Variants in RTN1 observed in about 807,000 individuals in gnomAD.
The protein encoded by RTN1 is reticulon-1.
A neutral mutation model predicts 65.5 loss-of-function variants in RTN1; 25 were observed. That is an observed-to-expected ratio of 0.38 (90% CI 0.28 to 0.53). RTN1 has a LOEUF of 0.53. Among genes scored for constraint, RTN1 ranks in the 20% least tolerant of loss-of-function variants. The pLI is 0.79. For missense variants in RTN1, 983 were observed against 1,025.4 expected, an observed-to-expected ratio of 0.96 and a Z score of 0.57; for synonymous variants, 471 against 447.6, an observed-to-expected ratio of 1.05 and a Z score of -0.66.
intron 5 of RTN1, 160 bp downstream of exon 5, chr14:59,605,208 G>A (rs1435366697): frequency 2.8e-5 from 19 of 678,936 alleles, no homozygotes; most frequent in African/African-American, 7.3e-5. Flanking sequence ...ACAATGAAGG[G>A]ATTAGACTGG....
At chr14:59,624,113 G>GT (rs1408733513) in intron 3 of RTN1, among the ~76,000 whole-genome samples, 1 of 152,118 alleles carries the variant, frequency 6.6e-6, no homozygotes, top group African/African-American at 2.4e-5. Flanking sequence ...CTGAGATTAT[G>GT]TTTTTTCCTT....
In RTN1 at chr14:59,825,099, C is replaced by T. The variant is rs947363914; in HGVS notation, c.241+45291G>A. Among the ~76,000 whole-genome samples the T allele has an allele frequency of 1.3e-5, 2 of 152,210 alleles. No individual in the cohort carries two copies. The highest frequency in any genetic ancestry group is 2.9e-5 in the Non-Finnish European group (2 of 68,030). On this transcript the variant is annotated intron_variant, in intron 1 of 8. Coordinates refer to ENST00000267484, the MANE Select transcript of RTN1 (RefSeq NM_021136.3). This position sits in a 1 kb window ranked among gnomAD's most constrained non-coding sequence, Gnocchi z 4.2. ...GTGACTCCAGTTAATAATACTATAG[C>T]GTACACGTGAAATTAACTTGTTCTA...
intron 3 of RTN1, among the ~76,000 whole-genome samples, chr14:59,624,737 C>T (rs142279192): frequency 6.6e-6 from 1 of 152,330 alleles, no homozygotes; most frequent in African/African-American, 2.4e-5. Context: ...GCTGGGATTA[C>T]AGGCGTGAGC....
At chr14:59,661,061 CA>C (rs1420759692) in intron 3 of RTN1, among the ~76,000 whole-genome samples, 2 of 151,622 alleles carry the variant, frequency 1.3e-5, no homozygotes, top group Non-Finnish European at 2.9e-5. Flanking sequence ...GGTAGGTCAC[CA>C]CTGATCCCAC....
chr14:59,830,105 C>T (rs1887099726), intron 1 of RTN1, among the ~76,000 whole-genome samples: 1 of 152,198 alleles, frequency 6.6e-6, no homozygotes, highest in Admixed American at 6.5e-5. Context: ...ACGTGGCCTT[C>T]TCCCCATTGT....
intron 1 of RTN1, among the ~76,000 whole-genome samples, chr14:59,781,941 A>G (rs1309666618): frequency 6.6e-6 from 1 of 152,142 alleles, no homozygotes; most frequent in Non-Finnish European, 1.5e-5. Context: ...CCCAATGGTC[A>G]TATGTTGAAA....
chr14:59,648,402 C>A (rs1463617185), intron 3 of RTN1, among the ~76,000 whole-genome samples: 1 of 152,146 alleles, frequency 6.6e-6, no homozygotes, highest in Non-Finnish European at 1.5e-5. Flanking sequence ...TGAAACTATT[C>A]CAACAAAATG....
At position 59,792,845 on chromosome 14, in the gene RTN1, A is replaced by G. The variant is rs533933262; in HGVS notation, c.242-46364T>C. 8.5e-5 allele frequency among the ~76,000 whole-genome samples: 13 copies of G among 152,306 alleles called. No homozygotes were observed. In the South Asian group the frequency reaches 2.7e-3, roughly 32 times the overall value. ...TTCTAGTAAATATTTTTCTTAGTGA[A>G]GGGAATTATTAAAAAGCAATTTTTT... On this transcript the variant is annotated intron_variant, in intron 1 of 8. Coordinates refer to ENST00000267484, the MANE Select transcript of RTN1 (RefSeq NM_021136.3).
At chr14:59,673,718 T>C (rs2140216701) in intron 3 of RTN1, among the ~76,000 whole-genome samples, 1 of 152,174 alleles carries the variant, frequency 6.6e-6, no homozygotes, top group South Asian at 2.1e-4. Flanking sequence ...GAGGGTAAGA[T>C]GGGCACAGAG....
In RTN1 at chr14:59,766,019, C is replaced by T. The variant is rs1043542772; in HGVS notation, c.242-19538G>A. On this transcript the variant is annotated intron_variant, in intron 1 of 8. Transcript: ENST00000267484. The surrounding 1 kb of genome is among the most constrained non-coding windows in gnomAD (Gnocchi z 4.4). ...CCTAGGCGGGTGGATCACCTGAGGT[C>T]AGGGGTTCAAGATCAGCCTGGCCAA... Among the ~76,000 whole-genome samples, 5 of 152,174 alleles carry T rather than the reference C, an allele frequency of 3.3e-5. No homozygotes were observed. The highest frequency in any genetic ancestry group is 5.9e-5 in the Non-Finnish European group (4 of 68,034).
chr14:59,640,243 A>C (rs1038414719), intron 3 of RTN1, among the ~76,000 whole-genome samples: 1 of 152,154 alleles, frequency 6.6e-6, no homozygotes, highest in Non-Finnish European at 1.5e-5. Flanking sequence ...TTCTAATTCC[A>C]TTTTTAAATT....
intron 3 of RTN1, among the ~76,000 whole-genome samples, chr14:59,671,170 A>C (rs192100554): frequency 2.4e-4 from 37 of 152,364 alleles, no homozygotes; most frequent in African/African-American, 7.0e-4. Context: ...TTGTAAAGAC[A>C]CATCAAAAAG....
intron 1 of RTN1, among the ~76,000 whole-genome samples, chr14:59,809,450 T>C (rs75865207): frequency 0.012 from 1,833 of 152,114 alleles, 34 homozygotes; most frequent in African/African-American, 0.041. Context: ...TCTCTATAAG[T>C]ATGTTGGAAT....
At chr14:59,629,731 G>T (rs1882492528) in intron 3 of RTN1, among the ~76,000 whole-genome samples, 1 of 152,208 alleles carries the variant, frequency 6.6e-6, no homozygotes, top group African/African-American at 2.4e-5. Context: ...GCCACACCCA[G>T]TGCTAATATG....
At position 59,825,045 on chromosome 14, in the gene RTN1, T is replaced by G. The variant is rs1887006532; in HGVS notation, c.241+45345A>C. On this transcript the variant is annotated intron_variant, in intron 1 of 8. Coordinates refer to ENST00000267484, the MANE Select transcript of RTN1 (RefSeq NM_021136.3). This position sits in a 1 kb window ranked among gnomAD's most constrained non-coding sequence, Gnocchi z 4.2. Reference sequence around the variant, plus strand: ...TAAAAACTTTCAGTTACAAGATAAATAAGTTCTGGAAATCTAATGTAAAGC... The same window carrying G: ...TAAAAACTTTCAGTTACAAGATAAAGAAGTTCTGGAAATCTAATGTAAAGC... 6.6e-6 allele frequency among the ~76,000 whole-genome samples: 1 copy of G among 152,116 alleles called. No homozygotes were observed. Among genetic ancestry groups the G allele is most frequent in the Admixed American group, 6.5e-5 (1 of 15,274 alleles).
Position 59,816,508 on chromosome 14 carries a change from T to C in RTN1, c.241+53882A>G, listed in dbSNP as rs1294636393. Among the ~76,000 whole-genome samples the C allele has an allele frequency of 6.6e-6, 1 of 152,192 alleles. No individual in the cohort carries two copies. Among genetic ancestry groups the C allele is most frequent in the Admixed American group, 6.5e-5 (1 of 15,288 alleles). Reference sequence around the variant, plus strand: ...ACCTGAGACACAGTAGGAGGCTTAATAAATATTTATTGCACATAGAAATGA... The same window carrying C: ...ACCTGAGACACAGTAGGAGGCTTAACAAATATTTATTGCACATAGAAATGA... On this transcript the variant is annotated intron_variant, in intron 1 of 8. Coordinates refer to ENST00000267484, the MANE Select transcript of RTN1 (RefSeq NM_021136.3). The surrounding 1 kb of genome is among the most constrained non-coding windows in gnomAD (Gnocchi z 4.3).
intron 1 of RTN1, among the ~76,000 whole-genome samples, chr14:59,854,100 T>A (rs1444088472): frequency 1.3e-5 from 2 of 151,974 alleles, no homozygotes; most frequent in Admixed American, 6.6e-5. Flanking sequence ...CCTCAGGTGA[T>A]CCGCCCACCT....
intron 1 of RTN1, among the ~76,000 whole-genome samples, chr14:59,820,105 G>C (rs76181022): frequency 3.0e-4 from 45 of 152,332 alleles, no homozygotes; most frequent in African/African-American, 9.9e-4. Flanking sequence ...TCTCAAGATG[G>C]CATCTCATTG....
chr14:59,606,546 C>G (rs1428381220), intron 4 of RTN1, among the ~76,000 whole-genome samples: 6 of 152,144 alleles, frequency 3.9e-5, no homozygotes, highest in Admixed American at 6.5e-5. Context: ...AATCTGCAAC[C>G]CAGGCAAGGG....
Sources: allele counts gnomAD v4.1 joint callset (sites outside exome capture counted in the v4.1 genomes callset), GRCh38; gene constraint gnomAD v4.1.1; non-coding constraint Gnocchi (gnomAD v3.1); transcripts MANE v1.5; gene names NCBI Gene and HGNC (gene_info 2026-07-23, HGNC 2026-07-21).